Variants in ARHGEF11 observed in about 807,000 individuals in gnomAD.
ARHGEF11 encodes Rho guanine exchange factor (GEF) 11.
In ARHGEF11, 55 loss-of-function variants were observed where a neutral mutation model predicts 193.7. The ratio of observed to expected loss-of-function variants is 0.28; its 90% confidence interval spans 0.23 to 0.36. The LOEUF is 0.36. ARHGEF11 is among the 10% of genes least tolerant of loss of function. The pLI is 1.00. For missense variants in ARHGEF11, 1,723 were observed against 2,005.6 expected (o/e 0.86, Z 2.69); for synonymous variants, 693 against 768.0 (o/e 0.90, Z 1.62).
intron 1 of ARHGEF11, among the ~76,000 whole-genome samples, chr1:156,991,468 C>T (rs992543042): frequency 7.9e-5 from 12 of 151,922 alleles, no homozygotes; most frequent in African/African-American, 2.9e-4. Flanking sequence ...TACAGGCACA[C>T]ACCACCACGC....
At chr1:156,984,270 T>C in intron 3 of ARHGEF11, 69 bp downstream of exon 3, 5 of 1,247,678 alleles carry the variant, frequency 4.0e-6, no homozygotes, top group Non-Finnish European at 5.7e-6. Context: ...ACAGGTAGAA[T>C]GGCACTGTCA....
chr1:156,990,141 T>A (rs1665509872), intron 1 of ARHGEF11, among the ~76,000 whole-genome samples: 1 of 152,238 alleles, frequency 6.6e-6, no homozygotes, highest in Non-Finnish European at 1.5e-5. Context: ...TCAGATTAAT[T>A]TGATCTAGAA....
chr1:156,986,656 A>G (rs541013977), intron 1 of ARHGEF11, among the ~76,000 whole-genome samples: 1 of 152,328 alleles, frequency 6.6e-6, no homozygotes, highest in East Asian at 1.9e-4. Flanking sequence ...ACACATACAG[A>G]GGTCTGCATG....
At chr1:156,943,207 C>A (rs1437987409) in intron 32 of ARHGEF11, among the ~76,000 whole-genome samples, 1 of 151,932 alleles carries the variant, frequency 6.6e-6, no homozygotes, top group African/African-American at 2.4e-5. Context: ...ATTACAGGTG[C>A]CTGCCAACAT....
chr1:156,965,921 A>G (rs185489840), intron 11 of ARHGEF11, among the ~76,000 whole-genome samples: 10 of 152,198 alleles, frequency 6.6e-5, no homozygotes, highest in Non-Finnish European at 1.3e-4. Flanking sequence ...TCAGAAGACA[A>G]TTTTGATTAC....
rs780529721 is a variant in ARHGEF11, at chr1:156,956,472, T to C, written c.1619A>G (p.Gln540Arg). 38 of 1,614,050 alleles carry C rather than the reference T, an allele frequency of 2.4e-5. No homozygotes were observed. The highest frequency in any genetic ancestry group is 4.2e-6 in the Non-Finnish European group (5 of 1,180,030). Residue 540 changes from glutamine (Q) to arginine (R), a missense_variant, in exon 19 of 41, where the codon CAG becomes CGG. Coordinates refer to ENST00000368194, the MANE Select transcript of ARHGEF11 (RefSeq NM_198236.3). Reference sequence around the variant, plus strand: ...CCACTTGTCCTTGTCAGGAGCAGACTGGGCCTTTTCAGCTGTGTTGGAAGG... The same window carrying C: ...CCACTTGTCCTTGTCAGGAGCAGACCGGGCCTTTTCAGCTGTGTTGGAAGG... ...ARPSNTAEKA[Q>R]SAPDKDKWLP...
At chr1:156,954,838 G>C in intron 21 of ARHGEF11, 54 bp downstream of exon 21, 8 of 1,439,004 alleles carry the variant, frequency 5.6e-6, no homozygotes, top group Non-Finnish European at 7.8e-6. Context: ...AGATTTGGGA[G>C]ATGGAAACTC....
chr1:156,962,878 CAAAAAAAAAAAA>C (rs59159449), intron 13 of ARHGEF11, among the ~76,000 whole-genome samples: 113 of 21,284 alleles, frequency 5.3e-3, no homozygotes, highest in Middle Eastern at 0.029. Flanking sequence ...GACTCCGTCT[CAAAAAAAAAAAA>C]AAAAAAAAAA....
intron 1 of ARHGEF11, among the ~76,000 whole-genome samples, chr1:157,008,152 TAAA>T (rs1290974369): frequency 6.6e-6 from 1 of 152,166 alleles, no homozygotes; most frequent in Non-Finnish European, 1.5e-5. Context: ...CACAGAATTA[TAAA>T]TGATAAAGGC....
chr1:156,980,424 TG>T lies in ARHGEF11; in HGVS notation c.273+12del. On this transcript the variant is annotated intron_variant, in intron 4 of 40. Coordinates refer to ENST00000368194, the MANE Select transcript of ARHGEF11 (RefSeq NM_198236.3). ...CACTGCTGGGAGTGGGAGTGTGTGT[TG>T]GGGTCACTCACTTTGATGATCCGGT... is the stretch of plus-strand genomic sequence containing the variant. 6.2e-7 allele frequency: 1 copy of T among 1,602,904 alleles called. No individual in the cohort carries two copies. The highest frequency in any genetic ancestry group is 8.5e-7 in the Non-Finnish European group (1 of 1,174,244).
rs773947532 is a variant in ARHGEF11, at chr1:156,999,627, G to A, written c.33-13454C>T. Among the ~76,000 whole-genome samples, 39 of 152,134 alleles carry A rather than the reference G, an allele frequency of 2.6e-4. 1 individual carries two copies. Among genetic ancestry groups the A allele is most frequent in the Non-Finnish European group, 4.4e-4 (30 of 68,030 alleles). ...AACCATGATCTAGAAGCAATTCTGT[G>A]TCTGCATTGGTGATATCCACAAGAT... On this transcript the variant is annotated intron_variant, in intron 1 of 40. Coordinates refer to ENST00000368194, the MANE Select transcript of ARHGEF11 (RefSeq NM_198236.3).
chr1:157,043,365 A>T (rs1489545732), intron 1 of ARHGEF11, among the ~76,000 whole-genome samples: 1 of 152,154 alleles, frequency 6.6e-6, no homozygotes, highest in East Asian at 1.9e-4. Flanking sequence ...CATGGGGAGA[A>T]GCGTTGAGGA....
chr1:156,937,829 G>C (rs1655818338), intron 38 of ARHGEF11, among the ~76,000 whole-genome samples: 1 of 152,192 alleles, frequency 6.6e-6, no homozygotes, highest in Non-Finnish European at 1.5e-5. Flanking sequence ...GCTGGTTTCA[G>C]GCTCTTCTGA....
chr1:156,991,763 C>A (rs568714927), intron 1 of ARHGEF11, among the ~76,000 whole-genome samples: 12 of 123,078 alleles, frequency 9.7e-5, no homozygotes, highest in South Asian at 5.7e-4. Flanking sequence ...GTCGCCCAGG[C>A]TGGAGTGCAG....
At chr1:156,945,317 T>G (rs561438349) in intron 29 of ARHGEF11, 120 bp from the exon 30 acceptor site, 1 of 1,159,640 alleles carries the variant, frequency 8.6e-7, no homozygotes. Flanking sequence ...CAGGCGTGGG[T>G]GGAGGGGAGC....
intron 1 of ARHGEF11, among the ~76,000 whole-genome samples, chr1:157,029,908 G>T (rs1042572490): frequency 3.9e-5 from 6 of 152,074 alleles, no homozygotes; most frequent in African/African-American, 1.2e-4. Flanking sequence ...ACCACATATT[G>T]TGTTATTACA....
Position 156,947,660 on chromosome 1 carries a change from A to G in ARHGEF11, c.2341+109T>C, listed in dbSNP as rs979968462. 3.1e-5 allele frequency: 45 copies of G among 1,449,040 alleles called. No individual in the cohort carries two copies. In the Middle Eastern group the frequency reaches 7.5e-4, roughly 24 times the overall value. 89.8% of individuals were successfully genotyped at this position (1,449,040 alleles called of 1,614,324 possible). On this transcript the variant is annotated intron_variant, in intron 25 of 40. Transcript: ENST00000368194. ...AGGCAATGTGGACCTGCTCCAGCAC[A>G]CAGGGGCCCCCCACCCTATTTACCT...
At position 156,977,268 on chromosome 1, in the gene ARHGEF11, G is replaced by A. The variant is rs1663397159; in HGVS notation, c.511-214C>T. ...CTGTAATCACCTTTGGTATCAAGTT[G>A]CTCTCTAAAGTCTCCCAGGACTTGT... On this transcript the variant is annotated intron_variant, in intron 6 of 40. Transcript: ENST00000368194. Among the ~76,000 whole-genome samples the A allele has an allele frequency of 2.0e-5, 3 of 152,172 alleles. 1 individual carries two copies. Among genetic ancestry groups the A allele is most frequent in the Admixed American group, 2.0e-4 (3 of 15,290 alleles).
intron 22 of ARHGEF11, among the ~76,000 whole-genome samples, chr1:156,950,544 G>A (rs1238518785): frequency 6.6e-6 from 1 of 152,182 alleles, no homozygotes; most frequent in Non-Finnish European, 1.5e-5. Flanking sequence ...GGAGGCTGAG[G>A]TGGGAGGATC....
Sources: gnomAD v4.1 joint callset for allele counts (sites outside exome capture counted in the v4.1 genomes callset) on GRCh38, gnomAD v4.1.1 for gene constraint, MANE v1.5 for transcripts, NCBI Gene and HGNC (gene_info 2026-07-23, HGNC 2026-07-21) for gene names.